Variants in SLC25A26 observed in about 807,000 individuals in gnomAD.
The protein encoded by SLC25A26 is solute carrier family 25 member 26.
A neutral mutation model predicts 37.8 loss-of-function variants in SLC25A26; 36 were observed. That is an observed-to-expected ratio of 0.95 (90% CI 0.73 to 1.26). The LOEUF is 1.26. Among genes scored for constraint, SLC25A26 ranks in the 50% most tolerant of loss-of-function variants. SLC25A26 has a pLI of 0.00. For synonymous variants in SLC25A26, 129 were observed against 122.5 expected (o/e 1.05, Z -0.35); for missense variants, 390 against 331.1 (o/e 1.18, Z -1.38).
chr3:66,173,148 C>T (rs2070524954), intron 1 of SLC25A26, among the ~76,000 whole-genome samples: 1 of 152,306 alleles, frequency 6.6e-6, no homozygotes, highest in East Asian at 1.9e-4. Context: ...CGGAAAGATG[C>T]ATTTTTTGTC....
Position 66,211,790 on chromosome 3 carries a change from A to C in SLC25A26, c.-353-8952A>C, listed in dbSNP as rs987564531. On this transcript the variant is annotated intron_variant, in intron 1 of 10. Coordinates refer to the SLC25A26 transcript ENST00000676754. ...TGCATTCCATCTCTTCTGAAGAAAA[A>C]GTATGTCTTTTATTGTTGTAAAATA... Among the ~76,000 whole-genome samples the C allele has an allele frequency of 8.5e-5, 13 of 152,240 alleles. 1 individual carries two copies. Among genetic ancestry groups the C allele is most frequent in the African/African-American group, 2.4e-5 (1 of 41,458 alleles).
chr3:66,213,176 G>A lies in SLC25A26; in HGVS notation c.-353-7566G>A, dbSNP rs965997141. On this transcript the variant is annotated intron_variant, in intron 1 of 10. Coordinates refer to the SLC25A26 transcript ENST00000676754. ...GCACTTTGGGAGGCCGAGGTGGGTG[G>A]ATCACCTGAGGTCAGGAGTTCAAGA... 2.2e-3 allele frequency among the ~76,000 whole-genome samples: 334 copies of A among 152,076 alleles called. 1 individual carries two copies. The highest frequency in any genetic ancestry group is 0.01 in the Middle Eastern group (3 of 294).
At chr3:66,174,503 A>G (rs570459124) in intron 1 of SLC25A26, among the ~76,000 whole-genome samples, 3 of 152,210 alleles carry the variant, frequency 2.0e-5, no homozygotes, top group Non-Finnish European at 2.9e-5. Flanking sequence ...CTATGAGGCT[A>G]GGCGTGGTGG....
At chr3:66,276,334 T>C (rs759110015) in intron 5 of SLC25A26, among the ~76,000 whole-genome samples, 1 of 152,052 alleles carries the variant, frequency 6.6e-6, no homozygotes, top group Non-Finnish European at 1.5e-5. Flanking sequence ...GTGATTCTTA[T>C]TACACTTTGC....
intron 5 of SLC25A26, among the ~76,000 whole-genome samples, chr3:66,290,861 A>T (rs374044520): frequency 2.0e-5 from 3 of 151,850 alleles, no homozygotes; most frequent in African/African-American, 4.8e-5. Context: ...CTCTTTTTCT[A>T]TTGTTTGGAA....
At chr3:66,338,614 G>T (rs1488027837) in intron 5 of SLC25A26, among the ~76,000 whole-genome samples, 1 of 151,942 alleles carries the variant, frequency 6.6e-6, no homozygotes, top group Admixed American at 6.6e-5. Flanking sequence ...CATTCACAGT[G>T]TTGTGTAACA....
At chr3:66,290,296 T>C (rs2074661261) in intron 5 of SLC25A26, among the ~76,000 whole-genome samples, 1 of 152,182 alleles carries the variant, frequency 6.6e-6, no homozygotes, top group Non-Finnish European at 1.5e-5. Flanking sequence ...CCTATTTGAA[T>C]ACCGTTTATT....
chr3:66,134,741 A>G (rs991042475), intron 1 of SLC25A26, among the ~76,000 whole-genome samples: 4 of 152,326 alleles, frequency 2.6e-5, no homozygotes, highest in Non-Finnish European at 5.9e-5. Context: ...ATCAATTTCC[A>G]TATTGATCAG....
chr3:66,269,786 G>A (rs2073891402), intron 5 of SLC25A26, among the ~76,000 whole-genome samples: 1 of 152,154 alleles, frequency 6.6e-6, no homozygotes, highest in Non-Finnish European at 1.5e-5. Context: ...CTGTGTATCT[G>A]TCTCTGTGTA....
intron 1 of SLC25A26, among the ~76,000 whole-genome samples, chr3:66,225,636 G>T (rs1161287192): frequency 2.6e-5 from 4 of 152,176 alleles, no homozygotes; most frequent in Non-Finnish European, 5.9e-5. Context: ...CAGCCAGCTT[G>T]AATTTTTCTC....
intron 2 of SLC25A26, among the ~76,000 whole-genome samples, chr3:66,237,357 G>A (rs1253591367): frequency 6.6e-6 from 1 of 152,234 alleles, no homozygotes; most frequent in South Asian, 2.1e-4. Flanking sequence ...AAATACTGAT[G>A]TCCTGTGTCA....
chr3:66,202,962 C>A (rs1347802651), intron 1 of SLC25A26, among the ~76,000 whole-genome samples: 1 of 152,166 alleles, frequency 6.6e-6, no homozygotes, highest in African/African-American at 2.4e-5. Context: ...TTGTTTTTAA[C>A]TAAATGACAT....
At chr3:66,246,522 A>C (rs1193196658) in intron 3 of SLC25A26, among the ~76,000 whole-genome samples, 1 of 152,186 alleles carries the variant, frequency 6.6e-6, no homozygotes, top group Non-Finnish European at 1.5e-5. Context: ...GCCTTGGAAA[A>C]GGCTCTAAGT....
chr3:66,224,311 A>G (rs902267877), intron 1 of SLC25A26, among the ~76,000 whole-genome samples: 2 of 152,216 alleles, frequency 1.3e-5, no homozygotes, highest in Non-Finnish European at 2.9e-5. Context: ...TAATTGACTT[A>G]CAGTTCCATT....
At chr3:66,316,224 C>G (rs1360087793) in intron 5 of SLC25A26, among the ~76,000 whole-genome samples, 1 of 152,148 alleles carries the variant, frequency 6.6e-6, no homozygotes, top group Non-Finnish European at 1.5e-5. Context: ...GGCCTGTGTA[C>G]TTCCATGTGG....
intron 6 of SLC25A26, among the ~76,000 whole-genome samples, chr3:66,347,343 C>G (rs2076350200): frequency 6.6e-6 from 1 of 152,176 alleles, no homozygotes; most frequent in South Asian, 2.1e-4. Flanking sequence ...CAAGAGAAGA[C>G]TTTCATGCAG....
In SLC25A26 at chr3:66,165,430, A is replaced by G. The variant is rs139479948; in HGVS notation, c.-354+31446A>G. ...TTTAAGGGTGATTTTTAATGCAGCC[A>G]TAGATAATGAATACAGAGGTTTCTA... On this transcript the variant is annotated intron_variant, in intron 1 of 10. Transcript: ENST00000676754. 7.1e-3 allele frequency among the ~76,000 whole-genome samples: 1,084 copies of G among 152,322 alleles called. 10 individuals are homozygous for G. Among genetic ancestry groups the G allele is most frequent in the African/African-American group, 0.025 (1,037 of 41,564 alleles).
intron 9 of SLC25A26, among the ~76,000 whole-genome samples, chr3:66,373,386 T>C (rs1700459161): frequency 6.6e-6 from 1 of 152,216 alleles, no homozygotes; most frequent in Admixed American, 6.5e-5. Flanking sequence ...TCAGTGGTCA[T>C]CTGTTGAAAC....
intron 5 of SLC25A26, among the ~76,000 whole-genome samples, chr3:66,332,478 T>A (rs762611240): frequency 6.6e-6 from 1 of 152,006 alleles, no homozygotes; most frequent in Non-Finnish European, 1.5e-5. Context: ...CTAAAGCACT[T>A]TTTTTTTGCA....
Sources: gnomAD v4.1 joint callset for allele counts (sites outside exome capture counted in the v4.1 genomes callset) on GRCh38, gnomAD v4.1.1 for gene constraint, MANE v1.5 for transcripts, NCBI Gene and HGNC (gene_info 2026-07-23, HGNC 2026-07-21) for gene names.